The following SAMD12 variants were observed in gnomAD, a reference collection of about 807,000 sequenced individuals.
The protein encoded by SAMD12 is sterile alpha motif domain containing 12.
A neutral mutation model predicts 15.0 loss-of-function variants in SAMD12; 9 were observed. That is an observed-to-expected ratio of 0.60 (90% confidence interval 0.36 to 1.05). The LOEUF (loss-of-function observed/expected upper bound fraction) is 1.05. Ranked by LOEUF, SAMD12 falls within the 50% of genes least tolerant of loss-of-function variation. The pLI, the probability that SAMD12 is intolerant of heterozygous loss-of-function variation, is 0.01. For synonymous variants in SAMD12, 86 were observed against 90.1 expected (o/e 0.96, Z 0.25); for missense variants, 230 against 234.2 (o/e 0.98, Z 0.12).
intron 4 of SAMD12, among the ~76,000 whole-genome samples, chr8:118,334,227 G>A (rs977228150): frequency 3.3e-5 from 5 of 152,018 alleles, no homozygotes; most frequent in Admixed American, 1.3e-4. Context: ...GGCACCAATC[G>A]GTGAGCTCTT....
At chr8:118,178,851 A>C in the SAMD12 span, among the ~76,000 whole-genome samples, 1 of 152,204 alleles carries the variant, frequency 6.6e-6, no homozygotes, top group Non-Finnish European at 1.5e-5. Context: ...GATTACACAC[A>C]CAAAAAGCTG....
intron 4 of SAMD12, among the ~76,000 whole-genome samples, chr8:118,324,034 TA>T (rs11303594): frequency 0.24 from 36,015 of 152,094 alleles, 4,543 homozygotes; most frequent in African/African-American, 0.31. Context: ...AATGTACCCT[TA>T]ATCCCATTAC....
At chr8:118,227,491 C>G (rs902289982) in intron 4 of SAMD12, among the ~76,000 whole-genome samples, 1 of 151,928 alleles carries the variant, frequency 6.6e-6, no homozygotes, top group Non-Finnish European at 1.5e-5. Context: ...TGTAACAAAC[C>G]TGCACATGTA....
At position 118,607,480 on chromosome 8, in the gene SAMD12, T is replaced by C. The variant is rs543691227; in HGVS notation, c.13+14324A>G. Among the ~76,000 whole-genome samples the C allele has an allele frequency of 5.3e-5, 8 of 152,220 alleles. No individual in the cohort carries two copies. The South Asian group carries it at 1.5e-3, about 28-fold the overall frequency. On this transcript the variant is annotated intron_variant, in intron 1 of 3. Coordinates refer to ENST00000314727, the MANE Select transcript of SAMD12 (RefSeq NM_207506.3). ...TGATCTCCCGACCTCAGGTAATCTG[T>C]CCACCTCAGCCTCCCAAAGTGCTGG...
chr8:118,324,058 C>T (rs942801827), intron 4 of SAMD12, among the ~76,000 whole-genome samples: 4 of 152,050 alleles, frequency 2.6e-5, no homozygotes, highest in Non-Finnish European at 5.9e-5. Flanking sequence ...AAAGAAAGCT[C>T]ATTCATTTTT....
intron 2 of SAMD12, among the ~76,000 whole-genome samples, chr8:118,573,300 G>A (rs1827068420): frequency 1.3e-5 from 2 of 152,234 alleles, no homozygotes; most frequent in African/African-American, 4.8e-5. Flanking sequence ...TGGCCATGCT[G>A]GTCTCGAACT....
At chr8:118,239,992 T>C (rs1812529042) in intron 4 of SAMD12, 1 of 152,154 alleles carries the variant, frequency 6.6e-6, no homozygotes, top group African/African-American at 2.4e-5. Context: ...AAGATGGCAA[T>C]AAATTCATTA....
chr8:118,366,813 AAATAAAATAAAATAAAAT>A (rs1326351181), intron 4 of SAMD12, among the ~76,000 whole-genome samples: 1,371 of 57,610 alleles, frequency 0.024, 52 homozygotes, highest in African/African-American at 0.067. Flanking sequence ...ACTCTGTCTC[AAATAAAATAAAATAAAAT>A]AAAATAAAAT....
At chr8:118,446,493 T>G (rs1256049500) in intron 2 of SAMD12, among the ~76,000 whole-genome samples, 1 of 152,160 alleles carries the variant, frequency 6.6e-6, no homozygotes, top group Admixed American at 6.5e-5. Flanking sequence ...AATGTCAATC[T>G]CCTAATTTAA....
the SAMD12 span, among the ~76,000 whole-genome samples, chr8:118,170,614 G>A: frequency 1.3e-5 from 2 of 152,142 alleles, no homozygotes; most frequent in East Asian, 3.8e-4. Context: ...TGCTGGAATA[G>A]TTAAACATCT....
chr8:118,540,297 G>A (rs889440418), intron 2 of SAMD12, among the ~76,000 whole-genome samples: 2 of 152,162 alleles, frequency 1.3e-5, no homozygotes, highest in Non-Finnish European at 2.9e-5. Flanking sequence ...ATTATGATCA[G>A]TGATGAGGTA....
chr8:118,177,736 T>TAA, the SAMD12 span, among the ~76,000 whole-genome samples: 13 of 103,278 alleles, frequency 1.3e-4, no homozygotes, highest in South Asian at 2.5e-3. Flanking sequence ...AAACATAAAA[T>TAA]AAAAAAACAA....
chr8:118,593,044 A>C (rs548352033), intron 1 of SAMD12, among the ~76,000 whole-genome samples: 1 of 152,212 alleles, frequency 6.6e-6, no homozygotes, highest in Admixed American at 6.5e-5. Context: ...GTCTATTCAT[A>C]GTAACATTCA....
At chr8:118,263,923 C>G (rs761203308) in intron 4 of SAMD12, among the ~76,000 whole-genome samples, 5 of 152,116 alleles carry the variant, frequency 3.3e-5, no homozygotes, top group Non-Finnish European at 5.9e-5. Context: ...CAACACTCCT[C>G]TCCTTAGCCA....
chr8:118,607,546 A>G (rs1163808792), intron 1 of SAMD12, among the ~76,000 whole-genome samples: 1 of 152,146 alleles, frequency 6.6e-6, no homozygotes, highest in East Asian at 1.9e-4. Flanking sequence ...AAATGTCCTA[A>G]TTAGGATTTT....
intron 4 of SAMD12, among the ~76,000 whole-genome samples, chr8:118,353,768 A>G (rs1818081175): frequency 6.6e-6 from 1 of 151,972 alleles, no homozygotes; most frequent in African/African-American, 2.4e-5. Context: ...CTCTGTGCCA[A>G]TGAAGTGCTG....
intron 4 of SAMD12, among the ~76,000 whole-genome samples, chr8:118,363,788 C>A (rs565535198): frequency 6.6e-6 from 1 of 152,304 alleles, no homozygotes; most frequent in East Asian, 1.9e-4. Context: ...AGCTGTGTGG[C>A]CTTGGCAGGC....
At chr8:118,141,320 A>C in the SAMD12 span, among the ~76,000 whole-genome samples, 1 of 152,222 alleles carries the variant, frequency 6.6e-6, no homozygotes. Flanking sequence ...TGTTCCTTAC[A>C]TGTTTATGTG....
chr8:118,260,686 A>C (rs911898105), intron 4 of SAMD12, among the ~76,000 whole-genome samples: 1 of 152,098 alleles, frequency 6.6e-6, no homozygotes, highest in African/African-American at 2.4e-5. Flanking sequence ...GCAGGAGAAG[A>C]GTGACATTGG....
Sources: allele counts gnomAD v4.1 joint callset (sites outside exome capture counted in the v4.1 genomes callset), GRCh38; gene constraint gnomAD v4.1.1; transcripts MANE v1.5; gene names NCBI Gene and HGNC (gene_info 2026-07-23, HGNC 2026-07-21).